The following HOXA7 variants were observed in gnomAD, a reference collection of about 807,000 sequenced individuals.
HOXA7 encodes homeobox protein Hox-A7.
A neutral mutation model predicts 16.8 loss-of-function variants in HOXA7; 16 were observed. That is an observed-to-expected ratio of 0.95 (90% CI 0.64 to 1.44). HOXA7 has a LOEUF of 1.44. Ranked by LOEUF, HOXA7 falls within the 40% of genes most tolerant of loss-of-function variation. The pLI is 0.00. For synonymous variants in HOXA7, 169 were observed against 144.3 expected (o/e 1.17, Z -1.23); for missense variants, 379 against 328.6 (o/e 1.15, Z -1.19).
rs895788001 is a variant in HOXA7 at position 27,156,154 on chromosome 7, C to T, written c.379+13G>A. On this transcript the variant is annotated intron_variant, in intron 1 of 1. Coordinates refer to ENST00000242159, the MANE Select transcript of HOXA7 (RefSeq NM_006896.4). Reference sequence around the variant, plus strand: ...CGCTCCGCCAGCCTGGCCCGCCTAGCGACTGCGCCTACCTGAAGACCGCAT... The same window carrying T: ...CGCTCCGCCAGCCTGGCCCGCCTAGTGACTGCGCCTACCTGAAGACCGCAT... 8 of 1,496,882 alleles carry T rather than the reference C, an allele frequency of 5.3e-6. No individual in the cohort carries two copies. In the Admixed American group the frequency reaches 6.9e-5, roughly 13 times the overall value. 92.7% of individuals were successfully genotyped at this position (1,496,882 alleles called of 1,614,324 possible). A position where few individuals can be genotyped will look rare whatever the true frequency, so the allele number is the denominator to read the frequency against.
At position 27,154,748 on chromosome 7, in the gene HOXA7, G is replaced by C; in HGVS notation, c.*161C>G. On this transcript the variant is annotated 3_prime_UTR_variant, in exon 2 of 2. Transcript: ENST00000242159. ...AAGTTGGGAGCTGGAGTAGGTGATG[G>C]GGGTGGGTAGAGTGCAGGTTGGGGA... 1.9e-6 allele frequency: 2 copies of C among 1,033,432 alleles called. No individual in the cohort carries two copies. The highest frequency in any genetic ancestry group is 3.5e-5 in the South Asian group (2 of 56,422). 64.0% of individuals were successfully genotyped at this position (1,033,432 alleles called of 1,614,324 possible).
At chr7:27,155,335 A>C in intron 1 of HOXA7, 113 bp from the exon 2 acceptor site, 2 of 1,004,716 alleles carry the variant, frequency 2.0e-6, no homozygotes, top group Non-Finnish European at 3.0e-6. Context: ...CCCAGCGAGC[A>C]TCCCCCTCTG....
At position 27,153,956 on chromosome 7, in the gene HOXA7, T is replaced by C. The variant is rs181591017; in HGVS notation, c.*953A>G. The C allele has an allele frequency of 2.0e-5, 3 of 152,700 alleles. No homozygotes were observed. The East Asian group carries it at 5.8e-4, about 29-fold the overall frequency. The allele number at this position is 152,700 out of a possible 1,614,324, so 9.5% of individuals were successfully genotyped here. ...CCAAGTCAAGACACTGCCTTACAAA[T>C]GAACTCCAAGACTATAGAAATGATA... On this transcript the variant is annotated 3_prime_UTR_variant, in exon 2 of 2. Coordinates refer to ENST00000242159, the MANE Select transcript of HOXA7 (RefSeq NM_006896.4).
intron 1 of HOXA7, 52 bp from the exon 2 acceptor site, chr7:27,155,274 G>T: frequency 6.5e-7 from 1 of 1,534,586 alleles, no homozygotes; most frequent in Non-Finnish European, 9.0e-7. Context: ...AGTAGACAGG[G>T]CACTCGTTAG....
chr7:27,154,671 G>A lies in HOXA7; in HGVS notation c.*238C>T. ...TTGGGGGTGTCTTTTGGGGTCCTCG[G>A]AGGCAGAGGGAATCCAAGGCGACCC... On this transcript the variant is annotated 3_prime_UTR_variant, in exon 2 of 2. Transcript: ENST00000242159. 1.7e-6 allele frequency: 1 copy of A among 596,972 alleles called. No homozygotes were observed. Among genetic ancestry groups the A allele is most frequent in the South Asian group, 2.3e-5 (1 of 42,624 alleles). 37.0% of individuals were successfully genotyped at this position (596,972 alleles called of 1,614,324 possible).
chr7:27,156,176 G>A lies in HOXA7; in HGVS notation c.370C>T (p.Arg124Trp), dbSNP rs865788066. 1.3e-6 allele frequency: 2 copies of A among 1,560,468 alleles called. No individual in the cohort carries two copies. Among genetic ancestry groups the A allele is most frequent in the African/African-American group, 1.4e-5 (1 of 73,386 alleles). Residue 124 changes from arginine (R) to tryptophan (W), a missense_variant, in exon 1 of 2, where the codon CGG becomes TGG. Coordinates refer to ENST00000242159, the MANE Select transcript of HOXA7 (RefSeq NM_006896.4). Reference protein sequence around the residue: ...EANFRIYPWMRSSGPDRKRGR... With the variant: ...EANFRIYPWMWSSGPDRKRGR... ...TAGCGACTGCGCCTACCTGAAGACC[G>A]CATCCAGGGGTAGATGCGGAAATTG...
Position 27,156,105 on chromosome 7 carries a change from C to T in HOXA7, c.379+62G>A, listed in dbSNP as rs188491382. 5,325 of 1,413,600 alleles carry T rather than the reference C, an allele frequency of 3.8e-3. 13 individuals are homozygous for T. Among genetic ancestry groups the T allele is most frequent in the Non-Finnish European group, 4.5e-3 (4,860 of 1,088,602 alleles). 87.6% of individuals were successfully genotyped at this position (1,413,600 alleles called of 1,614,324 possible). A position where few individuals can be genotyped will look rare whatever the true frequency, so the allele number is the denominator to read the frequency against. The stretch of plus-strand genomic sequence containing the variant: ...GCGCCCCGCGCTCCGCGCTCCCCAG[C>T]GCTGCGCTCCCCGCTCCCGGTCCCG... On this transcript the variant is annotated intron_variant, in intron 1 of 1. Transcript: ENST00000242159.
Position 27,154,924 on chromosome 7 carries a change from T to TTCCTCTTCTTCATCATCGTCC in HOXA7, c.657_677dup (p.Asp220_Glu226dup). On this transcript the variant is annotated inframe_insertion, in exon 2 of 2. Coordinates refer to ENST00000242159, the MANE Select transcript of HOXA7 (RefSeq NM_006896.4). ...GATCGGCCCCTCATTCCTCCTCGTCTTCCTCTTCTTCATCATCGTCCTCCT... is the reference window on the plus strand; with the variant it reads ...GATCGGCCCCTCATTCCTCCTCGTCTTCCTCTTCTTCATCATCGTCCTCCTCTTCTTCATCATCGTCCTCCT... 1 of 1,609,760 alleles carries TTCCTCTTCTTCATCATCGTCC rather than the reference T, an allele frequency of 6.2e-7. No individual in the cohort carries two copies. The highest frequency in any genetic ancestry group is 8.5e-7 in the Non-Finnish European group (1 of 1,176,652).
Position 27,156,602 on chromosome 7 carries a change from A to G in HOXA7, c.-57T>C. The G allele has an allele frequency of 6.6e-7, 1 of 1,514,208 alleles. No homozygotes were observed. The highest frequency in any genetic ancestry group is 1.8e-4 in the Middle Eastern group (1 of 5,586). The allele number at this position is 1,514,208 out of a possible 1,614,324, so 93.8% of individuals were successfully genotyped here. A position where few individuals can be genotyped will look rare whatever the true frequency, so the allele number is the denominator to read the frequency against. ...TTTCAGTGTCGGTTTTACGAGGTAGAGTGATATATGATAACATTACACCCC... is the reference window on the plus strand; with the variant it reads ...TTTCAGTGTCGGTTTTACGAGGTAGGGTGATATATGATAACATTACACCCC... On this transcript the variant is annotated 5_prime_UTR_variant, in exon 1 of 2. Coordinates refer to ENST00000242159, the MANE Select transcript of HOXA7 (RefSeq NM_006896.4).
Position 27,155,021 on chromosome 7 carries a change from G to C in HOXA7, c.581C>G (p.Pro194Arg). The C allele has an allele frequency of 1.2e-6, 2 of 1,614,154 alleles. No homozygotes were observed. The highest frequency in any genetic ancestry group is 3.3e-5 in the Admixed American group (2 of 60,028). Residue 194 changes from proline to arginine, a missense_variant, in exon 2 of 2, where the codon CCG (proline) becomes CGG (arginine). By Grantham distance (103) the Pro-to-Arg change is moderately radical. Transcript: ENST00000242159. Reference sequence around the variant, plus strand: ...GCCCTCGGGAGCTGCGGCGGCAGTCGGACCTTCGTCCTTATGCTCTTTCTT... The same window carrying C: ...GCCCTCGGGAGCTGCGGCGGCAGTCCGACCTTCGTCCTTATGCTCTTTCTT... ...KWKKEHKDEG[P>R]TAAAAPEGAV...
At chr7:27,155,454 C>T (rs2128066137) in intron 1 of HOXA7, 3 of 553,040 alleles carry the variant, frequency 5.4e-6, no homozygotes, top group South Asian at 5.2e-5. Context: ...CACAGAATCT[C>T]AACTTTACAA....
chr7:27,154,977 C>T lies in HOXA7; in HGVS notation c.625G>A (p.Ala209Thr), dbSNP rs138411797. The change falls in exon 2 of 2, where the codon GCC becomes ACC. Residue 209 changes from alanine to threonine, a missense_variant. Physicochemically the swap from Ala to Thr is moderately conservative, Grantham distance 58. Coordinates refer to ENST00000242159, the MANE Select transcript of HOXA7 (RefSeq NM_006896.4). ...APEGAVPSAA[A>T]TAAADKADEE... ...TCGGCCTTGTCCGCGGCAGCAGTGG[C>T]GGCGGCAGAGGGCACGGCGCCCTCG... The T allele has an allele frequency of 5.1e-4, 822 of 1,613,272 alleles. No homozygotes were observed. The highest frequency in any genetic ancestry group is 6.4e-4 in the Non-Finnish European group (760 of 1,179,314).
At position 27,154,605 on chromosome 7, in the gene HOXA7, A is replaced by C; in HGVS notation, c.*304T>G. 2.5e-6 allele frequency: 1 copy of C among 397,386 alleles called. No individual in the cohort carries two copies. The allele number at this position is 397,386 out of a possible 1,614,324, so 24.6% of individuals were successfully genotyped here. ...CCTCGAGCAGAGGCCTGTGCTAGGT[A>C]GTATTTTGGACGCGCCAGAGCAGGG... On this transcript the variant is annotated 3_prime_UTR_variant, in exon 2 of 2. Coordinates refer to ENST00000242159, the MANE Select transcript of HOXA7 (RefSeq NM_006896.4).
At position 27,155,128 on chromosome 7, in the gene HOXA7, G is replaced by C. The variant is rs745463932; in HGVS notation, c.474C>G (p.Arg158=). The C allele has an allele frequency of 2.5e-6, 4 of 1,614,154 alleles. No homozygotes were observed. The highest frequency in any genetic ancestry group is 3.4e-6 in the Non-Finnish European group (4 of 1,180,058). ...EFHFNRYLTR[R]RRIEIAHALC... is the part of the protein sequence containing the mutation. ...GCGCGTGGGCGATTTCAATGCGGCGGCGCCGCGTCAGGTAGCGGTTGAAGT... is the reference window on the plus strand; with the variant it reads ...GCGCGTGGGCGATTTCAATGCGGCGCCGCCGCGTCAGGTAGCGGTTGAAGT... The change falls in exon 2 of 2, where the codon CGC becomes CGG. Residue 158 remains arginine (R), a synonymous_variant. Transcript: ENST00000242159.
Position 27,156,020 on chromosome 7 carries a change from C to T in HOXA7, c.379+147G>A, listed in dbSNP as rs896552911. The T allele has an allele frequency of 6.4e-6, 6 of 934,570 alleles. No homozygotes were observed. The African/African-American group carries it at 1.0e-4, about 16-fold the overall frequency. 57.9% of individuals were successfully genotyped at this position (934,570 alleles called of 1,614,324 possible). On this transcript the variant is annotated intron_variant, in intron 1 of 1. Coordinates refer to ENST00000242159, the MANE Select transcript of HOXA7 (RefSeq NM_006896.4). Reference sequence around the variant, plus strand: ...TCCGCTCCAATTAAAACCAGAAAGGCTGCGCCGGGAGTCACGGGGCTACCG... The same window carrying T: ...TCCGCTCCAATTAAAACCAGAAAGGTTGCGCCGGGAGTCACGGGGCTACCG...
At chr7:27,155,911 G>T (rs1256010477) in intron 1 of HOXA7, 2 of 381,522 alleles carry the variant, frequency 5.2e-6, no homozygotes. Flanking sequence ...ATAAATTTAC[G>T]AGGATCGAAC....
Position 27,155,082 on chromosome 7 carries a change from T to G in HOXA7, c.520A>C (p.Ile174Leu). The change falls in exon 2 of 2, where the codon ATT (isoleucine) becomes CTT (leucine). Residue 174 changes from isoleucine to leucine, a missense_variant. Transcript: ENST00000242159. ...CGGCGGTTCTGGAACCAGATCTTAA[T>G]CTGGCGCTCGGTGAGGCAGAGCGCG... Reference protein sequence around the residue: ...AHALCLTERQIKIWFQNRRMK... With the variant: ...AHALCLTERQLKIWFQNRRMK... 3.7e-6 allele frequency: 6 copies of G among 1,614,224 alleles called. No homozygotes were observed. The highest frequency in any genetic ancestry group is 5.1e-6 in the Non-Finnish European group (6 of 1,180,030).
intron 1 of HOXA7, 84 bp from the exon 2 acceptor site, chr7:27,155,306 C>A (rs1783087343): frequency 2.3e-6 from 3 of 1,280,508 alleles, no homozygotes; most frequent in Non-Finnish European, 3.4e-6. Context: ...AGAGCCCGCA[C>A]CTTCCTCCTG....
At chr7:27,155,410 C>T (rs1345280172) in intron 1 of HOXA7, 188 bp from the exon 2 acceptor site, 2 of 611,356 alleles carry the variant, frequency 3.3e-6, no homozygotes, top group African/African-American at 1.9e-5. Context: ...AACTGCAGTG[C>T]CAGACGCGCA....
Sources: allele counts gnomAD v4.1 joint callset, GRCh38; gene constraint gnomAD v4.1.1; transcripts MANE v1.5; gene names NCBI Gene and HGNC (gene_info 2026-07-23, HGNC 2026-07-21).